TCOF1: variants seen among roughly 807,000 people sequenced by gnomAD.
The protein encoded by TCOF1 is treacle ribosome biogenesis factor 1, also known as treacle protein.
A neutral mutation model predicts 149.0 loss-of-function variants in TCOF1; 33 were observed. The ratio of observed to expected loss-of-function variants is 0.22; its 90% CI spans 0.17 to 0.30. The LOEUF (loss-of-function observed/expected upper bound fraction) is 0.30. Among genes scored for constraint, TCOF1 ranks in the 10% least tolerant of loss-of-function variants. The pLI is 1.00. For synonymous variants in TCOF1, 789 were observed against 738.8 expected, an observed-to-expected ratio of 1.07 and a Z score of -1.10; for missense variants, 1,728 against 1,840.7, an observed-to-expected ratio of 0.94 and a Z score of 1.12.
Position 150,387,942 on chromosome 5 carries a change from G to C in TCOF1, c.2900G>C (p.Ser967Thr). The change falls in exon 18 of 27, where the codon AGT becomes ACT. Residue 967 changes from serine to threonine, a missense_variant. Ser to Thr is a moderately conservative substitution (Grantham distance 58). This residue lies in a region of TCOF1 where 1,696 missense variants were observed against 1,765.4 expected (regional missense o/e 0.96). Coordinates refer to ENST00000643257, the MANE Select transcript of TCOF1 (RefSeq NM_001371623.1). The stretch of plus-strand genomic sequence containing the variant: ...CTGATTTTTGTCGACCCTAATCGTA[G>C]TCCAGCTGGCCCAGCTGCTACACCC... The part of the protein sequence containing the change: ...PPLIFVDPNR[S>T]PAGPAATPAQ... 1 of 1,613,930 alleles carries C rather than the reference G, an allele frequency of 6.2e-7. No individual in the cohort carries two copies. The highest frequency in any genetic ancestry group is 8.5e-7 in the Non-Finnish European group (1 of 1,180,024).
rs112986310 is a variant in TCOF1, at chr5:150,376,911, G to A, written c.2340+291G>A. On this transcript the variant is annotated intron_variant, in intron 14 of 26. Transcript: ENST00000643257. Reference sequence around the variant, plus strand: ...TGCTGCCCTTGTCTGGGGTTGCTGAGGCGCTGTTCCTCAGGGAAGTCCTGT... The same window carrying A: ...TGCTGCCCTTGTCTGGGGTTGCTGAAGCGCTGTTCCTCAGGGAAGTCCTGT... Among the ~76,000 whole-genome samples, 76 of 152,314 alleles carry A rather than the reference G, an allele frequency of 5.0e-4. 1 individual carries two copies. Among genetic ancestry groups the A allele is most frequent in the African/African-American group, 1.8e-3 (75 of 41,568 alleles).
In TCOF1 at chr5:150,379,567, T is replaced by C. The variant is rs1363154519; in HGVS notation, c.2694T>C (p.Ala898=). 6 of 1,614,158 alleles carry C rather than the reference T, an allele frequency of 3.7e-6. No individual in the cohort carries two copies. The East Asian group carries it at 8.9e-5, about 24-fold the overall frequency. The change falls in exon 17 of 27, where the codon GCT becomes GCC. Residue 898 remains alanine (A), a synonymous_variant. Transcript: ENST00000643257. ...KPSGKTHQIR[A]ALAPAKESPR... ...CAGGGAAGACCCACCAGATCAGAGC[T>C]GCCTTGGCTCCTGCCAAGGAGTCCC...
rs376576946 is a variant in TCOF1, at chr5:150,379,049, G to A, written c.2478+7G>A. 4 of 1,613,824 alleles carry A rather than the reference G, an allele frequency of 2.5e-6. No individual in the cohort carries two copies. In the African/African-American group the frequency reaches 5.3e-5, roughly 22 times the overall value. ...GCAGAGGTCTCCATCCAAGGCAAGT[G>A]GGGCCAGAAGCCACAGGAGGTGTGG... On this transcript the variant is annotated splice_region_variant and intron_variant, in intron 15 of 26. Coordinates refer to ENST00000643257, the MANE Select transcript of TCOF1 (RefSeq NM_001371623.1).
At chr5:150,364,092 A>T (rs757501632) in intron 2 of TCOF1, 21 bp from the exon 3 acceptor site, 33 of 1,613,876 alleles carry the variant, frequency 2.0e-5, no homozygotes, top group Non-Finnish European at 2.8e-5. Flanking sequence ...GTTGGTATAG[A>T]CAGTCACCCT....
chr5:150,386,197 T>C (rs1490331892), intron 17 of TCOF1, among the ~76,000 whole-genome samples: 1 of 152,064 alleles, frequency 6.6e-6, no homozygotes, highest in Non-Finnish European at 1.5e-5. Context: ...AGAGGCCCAG[T>C]GGGGTGGCGT....
At chr5:150,391,496 G>A in intron 19 of TCOF1, 48 bp from the exon 20 acceptor site, 1 of 1,513,734 alleles carries the variant, frequency 6.6e-7, no homozygotes, top group Non-Finnish European at 9.2e-7. Context: ...GGCACAGCTG[G>A]CATCCCAAGG....
At chr5:150,383,781 T>C in intron 17 of TCOF1, 1 of 1,551,686 alleles carries the variant, frequency 6.4e-7, no homozygotes, top group Non-Finnish European at 8.7e-7. Flanking sequence ...CCCAGGACCC[T>C]CTCTCAAGCA....
chr5:150,392,139 T>G lies in TCOF1; in HGVS notation c.3480T>G (p.Gly1160=). ...SDSSSGSEED[G]EGPQGAKSAH... ...GTTCTTCAGGGAGTGAGGAAGATGGTGAAGGGCCCCAGGGGGCCAAGTCAG... is the reference window on the plus strand; with the variant it reads ...GTTCTTCAGGGAGTGAGGAAGATGGGGAAGGGCCCCAGGGGGCCAAGTCAG... The change falls in exon 21 of 27, where the codon GGT becomes GGG. Residue 1160 remains glycine (G), a synonymous_variant. Transcript: ENST00000643257. 1.9e-6 allele frequency: 3 copies of G among 1,614,068 alleles called. No homozygotes were observed. Among genetic ancestry groups the G allele is most frequent in the Non-Finnish European group, 2.5e-6 (3 of 1,180,010 alleles).
chr5:150,381,029 A>G (rs1343167962), intron 17 of TCOF1, among the ~76,000 whole-genome samples: 3 of 152,012 alleles, frequency 2.0e-5, no homozygotes, highest in African/African-American at 7.2e-5. Context: ...TAAAAAAAAG[A>G]GATGATAAAT....
In TCOF1 at chr5:150,376,238, G is replaced by C. The variant is rs1318391140; in HGVS notation, c.2050G>C (p.Gly684Arg). Residue 684 changes from glycine to arginine, a missense_variant, in exon 13 of 27, where the codon GGG (glycine) becomes CGG (arginine). Gly to Arg is a moderately radical substitution (Grantham distance 125). This residue lies in a region of TCOF1 where 1,696 missense variants were observed against 1,765.4 expected (regional missense o/e 0.96). Transcript: ENST00000643257. ...AGCAGGCTCATCCCCAGCTGTGGCT[G>C]GGGGCACCCAGAGACCAGCAGAGGA... ...SPAGSSPAVA[G>R]GTQRPAEDSS... 1 of 1,614,218 alleles carries C rather than the reference G, an allele frequency of 6.2e-7. No homozygotes were observed. The highest frequency in any genetic ancestry group is 2.2e-5 in the East Asian group (1 of 44,878).
intron 1 of TCOF1, among the ~76,000 whole-genome samples, chr5:150,359,350 A>T (rs1297776546): frequency 1.3e-5 from 2 of 152,046 alleles, no homozygotes; most frequent in Non-Finnish European, 2.9e-5. Flanking sequence ...CCATCTCAAA[A>T]AAAAAAAAAA....
At chr5:150,398,293 A>G in intron 24 of TCOF1, 61 bp from the exon 25 acceptor site, 4 of 1,609,044 alleles carry the variant, frequency 2.5e-6, no homozygotes, top group Non-Finnish European at 2.5e-6. Flanking sequence ...ACCTCCCAAC[A>G]TTGACCCCAG....
intron 6 of TCOF1, among the ~76,000 whole-genome samples, chr5:150,370,512 C>T (rs1762287111): frequency 6.6e-6 from 1 of 152,288 alleles, no homozygotes; most frequent in South Asian, 2.1e-4. Flanking sequence ...CACGCCACCA[C>T]GCCTGGCTAA....
Position 150,369,516 on chromosome 5 carries a change from G to A in TCOF1, c.566-13G>A. The A allele has an allele frequency of 6.2e-7, 1 of 1,614,076 alleles. No individual in the cohort carries two copies. Among genetic ancestry groups the A allele is most frequent in the East Asian group, 2.2e-5 (1 of 44,886 alleles). On this transcript the variant is annotated splice_polypyrimidine_tract_variant and intron_variant, in intron 5 of 26. Coordinates refer to ENST00000643257, the MANE Select transcript of TCOF1 (RefSeq NM_001371623.1). ...AAGGGAGTCCCTCAGTCCCCTCCGT[G>A]TCCGATCCTCAGGGATGGTGTCAGC...
At chr5:150,374,086 C>T in intron 7 of TCOF1, 88 bp from the exon 8 acceptor site, 2 of 1,428,538 alleles carry the variant, frequency 1.4e-6, no homozygotes, top group Non-Finnish European at 1.9e-6. Flanking sequence ...TCTTAGGAGC[C>T]TCATTAAGGC....
chr5:150,364,761 TCTC>T (rs1374319267), intron 3 of TCOF1: 1 of 160,992 alleles, frequency 6.2e-6, no homozygotes, highest in East Asian at 1.8e-4. Context: ...AGCCCCTTCT[TCTC>T]CTAAGGTCCC....
At position 150,374,979 on chromosome 5, in the gene TCOF1, A is replaced by G. The variant is rs1185529169; in HGVS notation, c.1304A>G (p.Gln435Arg). Residue 435 changes from glutamine (Q) to arginine (R), a missense_variant, in exon 10 of 27, where the codon CAG becomes CGG. Transcript: ENST00000643257. ...GCGAAGCCTTCAGGGAAGGCCCCCC[A>G]GGTCAGAGCCGCCTCGGCCCCTGCC... ...AQAKPSGKAPQVRAASAPAKE... is the reference protein window; with the variant it reads ...AQAKPSGKAPRVRAASAPAKE... 1.9e-6 allele frequency: 3 copies of G among 1,612,842 alleles called. No homozygotes were observed. Among genetic ancestry groups the G allele is most frequent in the Admixed American group, 1.7e-5 (1 of 59,886 alleles).
In TCOF1 at chr5:150,369,538, C is replaced by T; in HGVS notation, c.575C>T (p.Ser192Leu). ...FGAAAKPGMV[S>L]AGQADSSSED... ...CGTGTCCGATCCTCAGGGATGGTGT[C>T]AGCGGGCCAGGCCGACAGCTCCAGC... Residue 192 changes from serine (S) to leucine (L), a missense_variant, in exon 6 of 27, where the codon TCA becomes TTA. Ser to Leu is a moderately radical substitution (Grantham distance 145, BLOSUM62 -2). This residue lies in a region of TCOF1 where 1,696 missense variants were observed against 1,765.4 expected (regional missense o/e 0.96). Transcript: ENST00000643257. 6.2e-7 allele frequency: 1 copy of T among 1,614,108 alleles called. No homozygotes were observed.
intron 23 of TCOF1, chr5:150,393,779 C>T (rs991468928): frequency 9.3e-5 from 54 of 578,778 alleles, no homozygotes; most frequent in Non-Finnish European, 1.4e-4. Context: ...TTTGGGAGGC[C>T]GAGGTGGGCA....
Sources: gnomAD v4.1 joint callset for allele counts (sites outside exome capture counted in the v4.1 genomes callset) on GRCh38, gnomAD v4.1.1 for gene constraint, gnomAD v4.1.1 regional missense constraint, MANE v1.5 for transcripts, NCBI Gene and HGNC (gene_info 2026-07-23, HGNC 2026-07-21) for gene names.